The following NUP98 variants were observed in gnomAD, a reference collection of about 807,000 sequenced individuals.
The protein encoded by NUP98 is nucleoporin 98 and 96 precursor.
A neutral mutation model predicts 191.9 loss-of-function variants in NUP98; 26 were observed. The observed-to-expected ratio is 0.14, with a 90% CI of 0.10 to 0.19. NUP98 has a LOEUF of 0.19. Ranked by LOEUF, NUP98 falls within the 10% of genes least tolerant of loss-of-function variation. The probability of loss-of-function intolerance (pLI) is 1.00; values close to 1 mark genes in which losing one functional copy is unlikely to be tolerated. For synonymous variants in NUP98, 808 were observed against 778.4 expected (o/e 1.04, Z -0.63); for missense variants, 1,941 against 2,178.8 (o/e 0.89, Z 2.17).
At chr11:3,771,055 G>A (rs1444161651) in intron 7 of NUP98, among the ~76,000 whole-genome samples, 2 of 152,104 alleles carry the variant, frequency 1.3e-5, no homozygotes, top group Non-Finnish European at 2.9e-5. Context: ...TAGAGGCAGG[G>A]TTTTACCATG....
intron 22 of NUP98, 116 bp downstream of exon 22, chr11:3,705,084 T>G: frequency 1.1e-6 from 1 of 891,916 alleles, no homozygotes; most frequent in Non-Finnish European, 1.8e-6. Context: ...GTCACAGGTA[T>G]AGTTGTTTGG....
At chr11:3,737,681 AAAG>A (rs752905742) in intron 12 of NUP98, among the ~76,000 whole-genome samples, 8 of 152,090 alleles carry the variant, frequency 5.3e-5, no homozygotes, top group Non-Finnish European at 1.0e-4. Flanking sequence ...AATTAATGAA[AAAG>A]AAGAGTCAAA....
At chr11:3,744,782 CG>C in intron 11 of NUP98, 133 bp from the exon 12 acceptor site, 1 of 949,670 alleles carries the variant, frequency 1.1e-6, no homozygotes, top group Admixed American at 2.9e-5. Flanking sequence ...GGGGTGAATA[CG>C]GTAAGTGTTA....
At chr11:3,714,079 A>C (rs2079101697) in intron 18 of NUP98, 84 bp from the exon 19 acceptor site, 1 of 1,282,896 alleles carries the variant, frequency 7.8e-7, no homozygotes, top group African/African-American at 1.5e-5. Flanking sequence ...ACACATAAAT[A>C]GTGAATAATG....
chr11:3,760,875 C>A (rs911432947), intron 9 of NUP98, among the ~76,000 whole-genome samples: 3 of 152,036 alleles, frequency 2.0e-5, no homozygotes, highest in African/African-American at 7.3e-5. Context: ...GACTGAAACA[C>A]AATGAATCCA....
intron 12 of NUP98, among the ~76,000 whole-genome samples, chr11:3,744,044 G>A (rs535866529): frequency 5.3e-5 from 8 of 152,190 alleles, no homozygotes; most frequent in East Asian, 3.9e-4. Flanking sequence ...GGGCAACAGC[G>A]CGAGACTCCT....
chr11:3,732,723 G>C (rs1379807087), intron 13 of NUP98, among the ~76,000 whole-genome samples: 1 of 152,224 alleles, frequency 6.6e-6, no homozygotes, highest in Non-Finnish European at 1.5e-5. Flanking sequence ...ACAACATCCT[G>C]AGGATGTTCT....
chr11:3,758,024 T>G (rs1164590307), intron 10 of NUP98, among the ~76,000 whole-genome samples: 2 of 150,126 alleles, frequency 1.3e-5, no homozygotes, highest in African/African-American at 4.9e-5. Context: ...AGATGATGAT[T>G]AAGAAAAAAC....
At chr11:3,794,231 ATACT>A (rs2082452951) in intron 1 of NUP98, among the ~76,000 whole-genome samples, 4 of 152,182 alleles carry the variant, frequency 2.6e-5, no homozygotes. Context: ...ACTGTGCCAA[ATACT>A]TACGGTCAAT....
chr11:3,676,623 A>G lies in NUP98; in HGVS notation c.5074-3T>C. On this transcript the variant is annotated splice_polypyrimidine_tract_variant and splice_region_variant and intron_variant, in intron 31 of 32. Coordinates refer to ENST00000324932, the MANE Select transcript of NUP98 (RefSeq NM_016320.5). ...AGGTCATTACCTGAGCAATCCACCT[A>G]CAAAGAAGCAGAGAAGCCAATTAAT... 1.2e-6 allele frequency: 2 copies of G among 1,610,940 alleles called. No homozygotes were observed. Among genetic ancestry groups the G allele is most frequent in the Non-Finnish European group, 1.7e-6 (2 of 1,177,140 alleles).
intron 2 of NUP98, 130 bp downstream of exon 2, chr11:3,781,912 T>G (rs1383417542): frequency 1.8e-6 from 1 of 546,682 alleles, no homozygotes; most frequent in African/African-American, 1.9e-5. Flanking sequence ...TCCTAATTAT[T>G]TTTTCAAGAC....
intron 25 of NUP98, 26 bp from the exon 26 acceptor site, chr11:3,695,632 G>A: frequency 1.3e-6 from 2 of 1,516,068 alleles, no homozygotes; most frequent in South Asian, 1.3e-5. Flanking sequence ...AAGTTTTTTG[G>A]TTATTACTAA....
At chr11:3,722,391 C>T (rs967785416) in intron 16 of NUP98, among the ~76,000 whole-genome samples, 2 of 151,958 alleles carry the variant, frequency 1.3e-5, no homozygotes, top group African/African-American at 4.8e-5. Flanking sequence ...GCTGAGCCAC[C>T]ACACCCAGGC....
chr11:3,709,065 C>G (rs1375417503), intron 20 of NUP98, among the ~76,000 whole-genome samples: 2 of 152,186 alleles, frequency 1.3e-5, no homozygotes, highest in Admixed American at 1.3e-4. Flanking sequence ...CCTAACGATA[C>G]AGCATTGCTT....
At chr11:3,755,297 C>T (rs1264643565) in intron 10 of NUP98, among the ~76,000 whole-genome samples, 1 of 126,950 alleles carries the variant, frequency 7.9e-6, no homozygotes, top group African/African-American at 2.9e-5. Context: ...TCTACTACCA[C>T]GAAAAAAAAA....
intron 9 of NUP98, among the ~76,000 whole-genome samples, chr11:3,761,870 G>A (rs2081183391): frequency 6.6e-6 from 1 of 152,136 alleles, no homozygotes. Context: ...CTTGAGCCTG[G>A]GAGGGAGAGG....
At chr11:3,764,813 C>T (rs1304426238) in intron 8 of NUP98, among the ~76,000 whole-genome samples, 8 of 152,218 alleles carry the variant, frequency 5.3e-5, no homozygotes, top group Non-Finnish European at 8.8e-5. Context: ...CTCCTGACCT[C>T]GTGATCTGCC....
intron 12 of NUP98, among the ~76,000 whole-genome samples, chr11:3,737,479 T>G (rs1359763144): frequency 1.3e-5 from 2 of 151,934 alleles, no homozygotes; most frequent in Non-Finnish European, 2.9e-5. Flanking sequence ...TAGAAAAAAT[T>G]AGCCAGGCAT....
intron 8 of NUP98, among the ~76,000 whole-genome samples, chr11:3,766,158 C>A (rs766945724): frequency 6.6e-6 from 1 of 152,096 alleles, no homozygotes; most frequent in Non-Finnish European, 1.5e-5. Flanking sequence ...GCAGATTGTT[C>A]GAGCCCAGAA....
Sources: allele counts gnomAD v4.1 joint callset (sites outside exome capture counted in the v4.1 genomes callset), GRCh38; gene constraint gnomAD v4.1.1; transcripts MANE v1.5; gene names NCBI Gene and HGNC (gene_info 2026-07-23, HGNC 2026-07-21).